The following GRM8 variants were observed in gnomAD, a reference collection of about 807,000 sequenced individuals.
The protein encoded by GRM8 is metabotropic glutamate receptor 8.
GRM8 carries 47 observed loss-of-function variants against 87.2 expected under a neutral mutation model. That is an observed-to-expected ratio of 0.54 (90% CI 0.43 to 0.69). The LOEUF is 0.69. GRM8 is among the 30% of genes least tolerant of loss of function. The pLI, the probability that GRM8 is intolerant of heterozygous loss-of-function variation, is 0.00. For synonymous variants in GRM8, 396 were observed against 404.5 expected, an observed-to-expected ratio of 0.98 and a Z score of 0.25; for missense variants, 1,019 against 1,139.2, an observed-to-expected ratio of 0.89 and a Z score of 1.52.
intron 8 of GRM8, among the ~76,000 whole-genome samples, chr7:126,592,530 C>T (rs983151413): frequency 1.3e-5 from 2 of 151,864 alleles, no homozygotes; most frequent in South Asian, 2.1e-4. Flanking sequence ...GAACAAAAAA[C>T]GTATGATCAT....
chr7:126,708,037 T>C (rs1585609278), intron 7 of GRM8, among the ~76,000 whole-genome samples: 1 of 151,942 alleles, frequency 6.6e-6, no homozygotes, highest in East Asian at 1.9e-4. Context: ...AACTAAATAG[T>C]AAGAAAATGA....
chr7:126,940,767 T>C (rs1437644374), intron 3 of GRM8, among the ~76,000 whole-genome samples: 1 of 152,196 alleles, frequency 6.6e-6, no homozygotes, highest in African/African-American at 2.4e-5. Flanking sequence ...TTTGTTGTTG[T>C]TGTTGTTCCT....
intron 3 of GRM8, among the ~76,000 whole-genome samples, chr7:126,948,478 A>G (rs755137322): frequency 2.7e-5 from 4 of 149,742 alleles, no homozygotes; most frequent in Non-Finnish European, 4.4e-5. Flanking sequence ...AGGAAGAAAT[A>G]GGCAAGAACA....
chr7:126,758,728 C>T (rs1817279486), intron 7 of GRM8, among the ~76,000 whole-genome samples: 1 of 152,176 alleles, frequency 6.6e-6, no homozygotes, highest in South Asian at 2.1e-4. Flanking sequence ...AGTAATTGTT[C>T]ACTTAGCTTA....
At chr7:126,936,070 A>C (rs923144796) in intron 3 of GRM8, among the ~76,000 whole-genome samples, 4 of 152,206 alleles carry the variant, frequency 2.6e-5, no homozygotes, top group African/African-American at 9.6e-5. Flanking sequence ...TATTAAGAAA[A>C]GATAAAAACC....
intron 9 of GRM8, among the ~76,000 whole-genome samples, chr7:126,520,032 T>C (rs1188069167): frequency 6.6e-6 from 1 of 151,618 alleles, no homozygotes; most frequent in Admixed American, 6.6e-5. Flanking sequence ...AAATAGACAC[T>C]GAGCATAACA....
At chr7:126,454,193 C>T (rs1563023224) in intron 9 of GRM8, among the ~76,000 whole-genome samples, 1 of 151,754 alleles carries the variant, frequency 6.6e-6, no homozygotes, top group Non-Finnish European at 1.5e-5. Context: ...TTTAAAGTAT[C>T]TCTATCTCTA....
At chr7:127,007,493 T>C (rs1814435676) in intron 3 of GRM8, among the ~76,000 whole-genome samples, 2 of 152,092 alleles carry the variant, frequency 1.3e-5, no homozygotes, top group Non-Finnish European at 2.9e-5. Context: ...ATAACTTGTT[T>C]CATTAATTTT....
chr7:127,235,228 C>T (rs1478882498), intron 2 of GRM8, among the ~76,000 whole-genome samples: 2 of 152,146 alleles, frequency 1.3e-5, no homozygotes, highest in Admixed American at 6.5e-5. Flanking sequence ...GGATTTCAGG[C>T]CATTTAAGGC....
At chr7:126,709,950 A>C (rs968085137) in intron 7 of GRM8, among the ~76,000 whole-genome samples, 41 of 152,318 alleles carry the variant, frequency 2.7e-4, no homozygotes, top group Middle Eastern at 3.4e-3. Flanking sequence ...TCTCACTTAC[A>C]CAGGCATACC....
At chr7:126,964,011 A>G (rs1012535064) in intron 3 of GRM8, among the ~76,000 whole-genome samples, 2 of 152,182 alleles carry the variant, frequency 1.3e-5, no homozygotes, top group Admixed American at 6.5e-5. Flanking sequence ...AAATAACACC[A>G]AACATCTACG....
intron 6 of GRM8, among the ~76,000 whole-genome samples, chr7:126,816,732 TTGTGTGTGTG>T (rs3038866): frequency 0.018 from 2,616 of 145,922 alleles, 64 homozygotes; most frequent in African/African-American, 0.057. Context: ...GTATATGATT[TTGTGTGTGTG>T]TGTGTGTGTG....
At chr7:127,220,376 A>G (rs1280199488) in intron 2 of GRM8, among the ~76,000 whole-genome samples, 1 of 152,256 alleles carries the variant, frequency 6.6e-6, no homozygotes, top group Non-Finnish European at 1.5e-5. Context: ...TTACAAAAAA[A>G]GGATCTTTAA....
intron 9 of GRM8, among the ~76,000 whole-genome samples, chr7:126,527,078 G>C (rs1813964641): frequency 6.6e-6 from 1 of 152,220 alleles, no homozygotes; most frequent in Non-Finnish European, 1.5e-5. Flanking sequence ...TATATAGTTG[G>C]CTGGGCGCGG....
intron 3 of GRM8, among the ~76,000 whole-genome samples, chr7:126,985,669 C>T (rs1586675760): frequency 6.6e-6 from 1 of 152,278 alleles, no homozygotes; most frequent in East Asian, 1.9e-4. Context: ...CAGGGCAGGG[C>T]ATCACATGGG....
At chr7:127,053,198 C>CT (rs1270591946) in intron 3 of GRM8, among the ~76,000 whole-genome samples, 2 of 152,102 alleles carry the variant, frequency 1.3e-5, no homozygotes, top group African/African-American at 4.8e-5. Context: ...AATTCACTGA[C>CT]TAAGTGGTTT....
intron 2 of GRM8, among the ~76,000 whole-genome samples, chr7:127,190,155 G>A (rs895901918): frequency 1.3e-5 from 2 of 152,138 alleles, no homozygotes; most frequent in African/African-American, 4.8e-5. Flanking sequence ...ATCCTCTAGA[G>A]CAGGCTATGC....
chr7:126,641,185 T>C (rs555089918), intron 7 of GRM8, among the ~76,000 whole-genome samples: 1 of 152,180 alleles, frequency 6.6e-6, no homozygotes, highest in Non-Finnish European at 1.5e-5. Context: ...TAAAAGTTTC[T>C]CTTGCCTATA....
chr7:126,639,820 AG>A (rs1214175865), intron 7 of GRM8, among the ~76,000 whole-genome samples: 1 of 152,212 alleles, frequency 6.6e-6, no homozygotes, highest in Non-Finnish European at 1.5e-5. Context: ...CAGACTCAGA[AG>A]CTGTGGTGTG....
Sources: gnomAD v4.1 joint callset for allele counts (sites outside exome capture counted in the v4.1 genomes callset) on GRCh38, gnomAD v4.1.1 for gene constraint, MANE v1.5 for transcripts, NCBI Gene and HGNC (gene_info 2026-07-23, HGNC 2026-07-21) for gene names.